ARHGEF28: variants seen among roughly 807,000 people sequenced by gnomAD.
ARHGEF28 encodes 190 kDa guanine nucleotide exchange factor.
Under a neutral mutation model 206.6 loss-of-function variants are expected in ARHGEF28, and 152 were observed. The ratio of observed to expected loss-of-function variants is 0.74; its 90% CI spans 0.64 to 0.84. The LOEUF (loss-of-function observed/expected upper bound fraction) is 0.84, where lower values mean the gene tolerates loss of function less well. ARHGEF28 is among the 40% of genes least tolerant of loss of function. The pLI, the probability that ARHGEF28 is intolerant of heterozygous loss-of-function variation, is 0.00. For synonymous variants in ARHGEF28, 763 were observed against 776.4 expected, an observed-to-expected ratio of 0.98 and a Z score of 0.29; for missense variants, 2,028 against 2,073.2, an observed-to-expected ratio of 0.98 and a Z score of 0.42.
intron 9 of ARHGEF28, among the ~76,000 whole-genome samples, chr5:73,804,735 G>A (rs1364447026): frequency 6.6e-6 from 1 of 151,938 alleles, no homozygotes; most frequent in African/African-American, 2.4e-5. Flanking sequence ...AGAATTATGG[G>A]TTTTGGGAAG....
rs781702346 is a variant in ARHGEF28, at chr5:73,897,956, T to C, written c.3842-6T>C. On this transcript the variant is annotated splice_region_variant and splice_polypyrimidine_tract_variant and intron_variant, in intron 29 of 35. Transcript: ENST00000513042. ...TTAGATTTATTTTTGTTTTTCTCCA[T>C]CTTAGCTGAGAGCCTACAAGTTGCA... 4 of 1,563,740 alleles carry C rather than the reference T, an allele frequency of 2.6e-6. No homozygotes were observed. Among genetic ancestry groups the C allele is most frequent in the Admixed American group, 1.9e-5 (1 of 52,286 alleles).
At position 73,698,734 on chromosome 5, in the gene ARHGEF28, C is replaced by T. The variant is rs547947623; in HGVS notation, c.33+13850C>T. Reference sequence around the variant, plus strand: ...TGGATAAGAACATGCTGAGAATGCTCCTGAAGCCACAGGAGAGGCAAATGG... The same window carrying T: ...TGGATAAGAACATGCTGAGAATGCTTCTGAAGCCACAGGAGAGGCAAATGG... On this transcript the variant is annotated intron_variant, in intron 2 of 35. Coordinates refer to ENST00000513042, the MANE Select transcript of ARHGEF28 (RefSeq NM_001177693.2). 3.9e-5 allele frequency among the ~76,000 whole-genome samples: 6 copies of T among 152,050 alleles called. No individual in the cohort carries two copies. The East Asian group carries it at 1.2e-3, about 29-fold the overall frequency.
chr5:73,660,551 T>G (rs1197930513), intron 1 of ARHGEF28, among the ~76,000 whole-genome samples: 1 of 152,180 alleles, frequency 6.6e-6, no homozygotes, highest in Non-Finnish European at 1.5e-5. Flanking sequence ...TTTACTTTGC[T>G]CAGATCCATC....
At chr5:73,673,375 T>C (rs1746465875) in intron 1 of ARHGEF28, among the ~76,000 whole-genome samples, 1 of 152,246 alleles carries the variant, frequency 6.6e-6, no homozygotes, top group South Asian at 2.1e-4. Flanking sequence ...ACCTCAATAG[T>C]TGTTGCTCTG....
chr5:73,782,460 A>T (rs879427348), intron 7 of ARHGEF28, among the ~76,000 whole-genome samples: 6 of 152,054 alleles, frequency 3.9e-5, no homozygotes, highest in Admixed American at 1.3e-4. Flanking sequence ...AAAACAAAAC[A>T]AAACAAGATT....
intron 21 of ARHGEF28, among the ~76,000 whole-genome samples, chr5:73,871,959 T>A (rs936708680): frequency 1.3e-5 from 2 of 152,204 alleles, no homozygotes; most frequent in Admixed American, 6.5e-5. Flanking sequence ...GGATGATGAA[T>A]ATCCTATTTT....
At chr5:73,872,649 C>A (rs184314143) in intron 21 of ARHGEF28, among the ~76,000 whole-genome samples, 2 of 152,262 alleles carry the variant, frequency 1.3e-5, no homozygotes, top group African/African-American at 2.4e-5. Context: ...AGAAAGCCAA[C>A]AAACTAAGTT....
Position 73,894,455 on chromosome 5 carries a change from G to A in ARHGEF28, c.3721G>A (p.Ala1241Thr). The change falls in exon 29 of 36, where the codon GCT becomes ACT. Residue 1241 changes from alanine to threonine, a missense_variant. Around this residue, in one of 3 missense-constraint regions of ARHGEF28, gnomAD observed 803 missense variants for 768.0 expected, o/e 1.05. Transcript: ENST00000513042. ...TTTGGAGGAGAAGCTGCATATCTAT[G>A]CTGAACTTGGAGAACTGAGCGGATT... ...AYLEEKLHIYAELGELSGFED... is the reference protein window; with the variant it reads ...AYLEEKLHIYTELGELSGFED... 6.2e-7 allele frequency: 1 copy of A among 1,613,860 alleles called. No homozygotes were observed. Among genetic ancestry groups the A allele is most frequent in the Non-Finnish European group, 8.5e-7 (1 of 1,179,834 alleles).
chr5:73,705,116 A>T (rs1748856706), intron 2 of ARHGEF28, among the ~76,000 whole-genome samples: 1 of 152,100 alleles, frequency 6.6e-6, no homozygotes, highest in Non-Finnish European at 1.5e-5. Flanking sequence ...GTGTCCTGTG[A>T]TCTCTTTTCT....
intron 1 of ARHGEF28, among the ~76,000 whole-genome samples, chr5:73,674,921 T>C (rs1253215032): frequency 6.6e-6 from 1 of 152,168 alleles, no homozygotes; most frequent in Non-Finnish European, 1.5e-5. Context: ...TTCCACATGC[T>C]TCACCCTATG....
intron 1 of ARHGEF28, among the ~76,000 whole-genome samples, chr5:73,642,705 C>T (rs753953823): frequency 6.6e-6 from 1 of 152,002 alleles, no homozygotes; most frequent in Non-Finnish European, 1.5e-5. Flanking sequence ...ACAGTGGGCA[C>T]ACTCCTCTGC....
chr5:73,793,967 T>C (rs758098305), intron 7 of ARHGEF28, among the ~76,000 whole-genome samples: 3 of 152,176 alleles, frequency 2.0e-5, no homozygotes, highest in Non-Finnish European at 4.4e-5. Context: ...AGACCTCTTA[T>C]ATAATGAATT....
At chr5:73,646,703 C>T (rs1175301775) in intron 1 of ARHGEF28, among the ~76,000 whole-genome samples, 1 of 152,176 alleles carries the variant, frequency 6.6e-6, no homozygotes, top group Non-Finnish European at 1.5e-5. Context: ...AAAGTATTTG[C>T]TCTTTAGGAA....
In ARHGEF28 at chr5:73,909,320, C is replaced by T. The variant is rs1323224425; in HGVS notation, c.4162-92C>T. 16 of 1,487,564 alleles carry T rather than the reference C, an allele frequency of 1.1e-5. No homozygotes were observed. In the Admixed American group the frequency reaches 1.6e-4, roughly 15 times the overall value. 92.1% of individuals were successfully genotyped at this position (1,487,564 alleles called of 1,614,324 possible). A position where few individuals can be genotyped will look rare whatever the true frequency, so the allele number is the denominator to read the frequency against. ...ATTAAGAGAAGTGAATTCGGGCCTG[C>T]GTTTTGTGTTTCGAGGTAGTTCCAA... is the stretch of plus-strand genomic sequence containing the variant. On this transcript the variant is annotated intron_variant, in intron 33 of 35. Coordinates refer to ENST00000513042, the MANE Select transcript of ARHGEF28 (RefSeq NM_001177693.2).
At chr5:73,799,046 G>A (rs556359027) in intron 9 of ARHGEF28, among the ~76,000 whole-genome samples, 15 of 152,228 alleles carry the variant, frequency 9.9e-5, no homozygotes, top group African/African-American at 2.9e-4. Flanking sequence ...AGATCGCACC[G>A]TTCATTGCAC....
At chr5:73,829,659 C>T (rs905365118) in intron 9 of ARHGEF28, among the ~76,000 whole-genome samples, 1 of 151,980 alleles carries the variant, frequency 6.6e-6, no homozygotes, top group Admixed American at 6.6e-5. Flanking sequence ...AGATTACAGG[C>T]GTGAGCCACC....
intron 10 of ARHGEF28, among the ~76,000 whole-genome samples, chr5:73,832,782 T>C (rs1410935404): frequency 2.0e-5 from 3 of 152,144 alleles, no homozygotes; most frequent in African/African-American, 7.2e-5. Context: ...TCTACAGCTT[T>C]TCAAAAAACA....
chr5:73,662,129 A>T (rs1369615308), intron 1 of ARHGEF28, among the ~76,000 whole-genome samples: 1 of 152,196 alleles, frequency 6.6e-6, no homozygotes, highest in Middle Eastern at 3.2e-3. Flanking sequence ...TCTTTTCCAG[A>T]ACAGGTAGAG....
chr5:73,941,033 A>G lies in ARHGEF28; in HGVS notation c.*20A>G, dbSNP rs992680105. 31 of 1,453,100 alleles carry G rather than the reference A, an allele frequency of 2.1e-5. No individual in the cohort carries two copies. Among genetic ancestry groups the G allele is most frequent in the Non-Finnish European group, 2.7e-5 (30 of 1,109,316 alleles). 90.0% of individuals were successfully genotyped at this position (1,453,100 alleles called of 1,614,324 possible). On this transcript the variant is annotated 3_prime_UTR_variant, in exon 36 of 36. Transcript: ENST00000513042. ...CTCTAATTGTGTTGTCATTTTTCCA[A>G]ACAAAACAAAACACTGGCACTTTTG...
Sources: allele counts gnomAD v4.1 joint callset (sites outside exome capture counted in the v4.1 genomes callset), GRCh38; gene constraint gnomAD v4.1.1; regional missense constraint gnomAD v4.1.1; transcripts MANE v1.5; gene names NCBI Gene and HGNC (gene_info 2026-07-23, HGNC 2026-07-21).